Variants in MTA1 observed in about 807,000 individuals in gnomAD.
MTA1 encodes metastasis-associated protein MTA1.
A neutral mutation model predicts 97.0 loss-of-function variants in MTA1; 15 were observed. The ratio of observed to expected loss-of-function variants is 0.15; its 90% CI spans 0.10 to 0.24. The LOEUF (loss-of-function observed/expected upper bound fraction) is 0.24. MTA1 is among the 10% of genes least tolerant of loss of function. The pLI, the probability that MTA1 is intolerant of heterozygous loss-of-function variation, is 1.00. For synonymous variants in MTA1, 435 were observed against 417.5 expected, an observed-to-expected ratio of 1.04 and a Z score of -0.51; for missense variants, 709 against 1,015.1, an observed-to-expected ratio of 0.70 and a Z score of 4.10.
chr14:105,442,546 G>A (rs587753238), intron 2 of MTA1, among the ~76,000 whole-genome samples: 18 of 152,366 alleles, frequency 1.2e-4, no homozygotes, highest in African/African-American at 3.8e-4. Flanking sequence ...GAAAAAAGAC[G>A]ATTGTTAATC....
rs150533549 is a variant in MTA1 at position 105,439,566 on chromosome 14, G to A, written c.96+827G>A. 8.1e-4 allele frequency among the ~76,000 whole-genome samples: 123 copies of A among 152,294 alleles called. 4 individuals carry two copies. The East Asian group carries it at 0.013, about 16-fold the overall frequency. On this transcript the variant is annotated intron_variant, in intron 2 of 20. Coordinates refer to ENST00000331320, the MANE Select transcript of MTA1 (RefSeq NM_004689.4). ...CTTCTCGCTGTCCTCAGGGGTGGTG[G>A]GTGGGTCCCCCAGCGTCCCTTCTCC...
At chr14:105,445,060 A>G (rs1215339071) in intron 2 of MTA1, among the ~76,000 whole-genome samples, 2 of 152,128 alleles carry the variant, frequency 1.3e-5, no homozygotes, top group East Asian at 3.9e-4. Context: ...AGGGGCTGGG[A>G]TAGCTGGGCG....
chr14:105,457,461 C>T (rs1266074800), intron 7 of MTA1, among the ~76,000 whole-genome samples: 1 of 152,238 alleles, frequency 6.6e-6, no homozygotes, highest in Non-Finnish European at 1.5e-5. Context: ...CACTCCCTGG[C>T]CCCCGGCTCT....
At chr14:105,450,577 G>C (rs1393787094) in intron 6 of MTA1, among the ~76,000 whole-genome samples, 2 of 152,334 alleles carry the variant, frequency 1.3e-5, no homozygotes, top group East Asian at 3.9e-4. Flanking sequence ...CTGCCACCCA[G>C]ACAGCCAGCG....
At chr14:105,454,011 TC>T (rs1451597361) in intron 6 of MTA1, among the ~76,000 whole-genome samples, 181 bp from the exon 7 acceptor site, 1 of 152,094 alleles carries the variant, frequency 6.6e-6, no homozygotes, top group Non-Finnish European at 1.5e-5. Flanking sequence ...CGCTGTAGGC[TC>T]CTCCCAGGCA....
intron 7 of MTA1, among the ~76,000 whole-genome samples, chr14:105,457,857 G>A (rs924185098): frequency 1.1e-4 from 17 of 152,024 alleles, no homozygotes; most frequent in African/African-American, 3.1e-4. Flanking sequence ...CCTGGGAGGC[G>A]GAGGTTGTAG....
At chr14:105,469,554 G>T (rs147309937) in intron 19 of MTA1, 56 bp downstream of exon 19, 3 of 1,594,250 alleles carry the variant, frequency 1.9e-6, no homozygotes, top group Non-Finnish European at 2.6e-6. Flanking sequence ...GCTCTCTGGG[G>T]TGTTGGGAAG....
At chr14:105,469,590 C>T in intron 19 of MTA1, 92 bp downstream of exon 19, 2 of 1,459,864 alleles carry the variant, frequency 1.4e-6, no homozygotes, top group East Asian at 4.7e-5. Flanking sequence ...TGCCAGGTGC[C>T]ACGTGGAAGC....
chr14:105,442,629 G>A (rs1303467356), intron 2 of MTA1, among the ~76,000 whole-genome samples: 1 of 152,294 alleles, frequency 6.6e-6, no homozygotes, highest in Admixed American at 6.5e-5. Context: ...TTACCTGTGT[G>A]TGCAGGAGCG....
At chr14:105,467,566 G>A (rs2083648823) in intron 18 of MTA1, 4 of 444,586 alleles carry the variant, frequency 9.0e-6, no homozygotes, top group Non-Finnish European at 1.8e-5. Flanking sequence ...CGGGTGCCGG[G>A]CCCCCCATCT....
chr14:105,458,412 C>T (rs1256511989), intron 8 of MTA1, 40 bp downstream of exon 8: 1 of 1,562,882 alleles, frequency 6.4e-7, no homozygotes, highest in Non-Finnish European at 8.8e-7. Context: ...GGGGTGGTGC[C>T]TGGAGCTTCT....
At chr14:105,437,816 T>G (rs1010088907) in intron 1 of MTA1, among the ~76,000 whole-genome samples, 5 of 152,212 alleles carry the variant, frequency 3.3e-5, no homozygotes, top group Admixed American at 2.0e-4. Context: ...CCTCCCAAGC[T>G]GAGCCCCTGC....
At chr14:105,443,001 G>A (rs1032625817) in intron 2 of MTA1, among the ~76,000 whole-genome samples, 18 of 152,198 alleles carry the variant, frequency 1.2e-4, no homozygotes, top group African/African-American at 4.3e-4. Flanking sequence ...CCCGGGTGGG[G>A]TGGCTGCGGT....
chr14:105,419,984 C>G lies in MTA1; in HGVS notation c.-52C>G. ...TCGCGCCTCCATTTTCCCGGCCGCC[C>G]GCGCCGAGCGCCGCGCCCGCCCCGG... is the stretch of plus-strand genomic sequence containing the variant. On this transcript the variant is annotated 5_prime_UTR_variant, in exon 1 of 21. Coordinates refer to ENST00000331320, the MANE Select transcript of MTA1 (RefSeq NM_004689.4). 2 of 974,186 alleles carry G rather than the reference C, an allele frequency of 2.1e-6. No homozygotes were observed. The highest frequency in any genetic ancestry group is 2.4e-6 in the Non-Finnish European group (2 of 817,820). The allele number at this position is 974,186 out of a possible 1,614,324, so 60.3% of individuals were successfully genotyped here.
Position 105,422,470 on chromosome 14 carries a change from C to G in MTA1, c.28+2407C>G, listed in dbSNP as rs1186817633. 2.0e-5 allele frequency among the ~76,000 whole-genome samples: 3 copies of G among 152,124 alleles called. No individual in the cohort carries two copies. Among genetic ancestry groups the G allele is most frequent in the African/African-American group, 7.2e-5 (3 of 41,420 alleles). On this transcript the variant is annotated intron_variant, in intron 1 of 20. Coordinates refer to ENST00000331320, the MANE Select transcript of MTA1 (RefSeq NM_004689.4). This position sits in a 1 kb window ranked among gnomAD's most constrained non-coding sequence, Gnocchi z 4.3. ...GGCCAGTCCTGGCCTGTGGGAGATG[C>G]CGGCAGGGACCCAGCCTGGGAAGGG...
In MTA1 at chr14:105,422,242, C is replaced by G. The variant is rs2081863704; in HGVS notation, c.28+2179C>G. On this transcript the variant is annotated intron_variant, in intron 1 of 20. Coordinates refer to ENST00000331320, the MANE Select transcript of MTA1 (RefSeq NM_004689.4). The surrounding 1 kb of genome is among the most constrained non-coding windows in gnomAD (Gnocchi z 4.3). ...TATCCCTGGCTTCTGGACCGGAACC[C>G]TGGGTTCCGGCAGGACCCCGGCAGA... Among the ~76,000 whole-genome samples the G allele has an allele frequency of 6.6e-6, 1 of 152,142 alleles. No homozygotes were observed. Among genetic ancestry groups the G allele is most frequent in the African/African-American group, 2.4e-5 (1 of 41,436 alleles).
Position 105,446,818 on chromosome 14 carries a change from C to T in MTA1, c.190+1307C>T, listed in dbSNP as rs143389065. On this transcript the variant is annotated intron_variant, in intron 3 of 20. Transcript: ENST00000331320. The stretch of plus-strand genomic sequence containing the variant: ...CCACTCTGGACACTGGGCTGTGGGG[C>T]CTGTGGCTGGCCCAAAGGGAGCTGC... 8.0e-4 allele frequency among the ~76,000 whole-genome samples: 122 copies of T among 152,324 alleles called. 4 individuals carry two copies. In the East Asian group the frequency reaches 0.013, roughly 17 times the overall value.
At chr14:105,457,953 A>G (rs1219338379) in intron 7 of MTA1, among the ~76,000 whole-genome samples, 1 of 150,954 alleles carries the variant, frequency 6.6e-6, no homozygotes, top group African/African-American at 2.4e-5. Context: ...TAATAATAAT[A>G]TAAATAAATA....
intron 18 of MTA1, chr14:105,469,165 G>A (rs1555433663): frequency 8.1e-6 from 5 of 614,906 alleles, no homozygotes; most frequent in Non-Finnish European, 1.5e-5. Context: ...CGGCAGGCAA[G>A]TGGGTGGACA....
Sources: gnomAD v4.1 joint callset for allele counts (sites outside exome capture counted in the v4.1 genomes callset) on GRCh38, gnomAD v4.1.1 for gene constraint, Gnocchi (gnomAD v3.1) non-coding constraint, MANE v1.5 for transcripts, NCBI Gene and HGNC (gene_info 2026-07-23, HGNC 2026-07-21) for gene names.